The following SCG3 variants were observed in gnomAD, a reference collection of about 807,000 sequenced individuals.
SCG3 encodes the protein secretogranin III.
Under a neutral mutation model 56.2 loss-of-function variants are expected in SCG3, and 38 were observed. The observed-to-expected ratio is 0.68, with a 90% CI of 0.52 to 0.89. The LOEUF (loss-of-function observed/expected upper bound fraction) is 0.89, where lower values mean the gene tolerates loss of function less well. SCG3 is among the 40% of genes least tolerant of loss of function. The probability of loss-of-function intolerance (pLI) is 0.00; values close to 1 mark genes in which losing one functional copy is unlikely to be tolerated. For synonymous variants in SCG3, 176 were observed against 184.2 expected, an observed-to-expected ratio of 0.96 and a Z score of 0.36; for missense variants, 524 against 540.7, an observed-to-expected ratio of 0.97 and a Z score of 0.31.
At chr15:51,712,558 T>C (rs763574916) in intron 10 of SCG3, among the ~76,000 whole-genome samples, 10 of 152,172 alleles carry the variant, frequency 6.6e-5, no homozygotes, top group Non-Finnish European at 1.2e-4. Context: ...CAGCTGTTAT[T>C]TCCTGTGTAG....
chr15:51,713,907 G>C (rs2055437122), intron 11 of SCG3, among the ~76,000 whole-genome samples: 1 of 152,206 alleles, frequency 6.6e-6, no homozygotes, highest in Non-Finnish European at 1.5e-5. Context: ...AGCGTCATTA[G>C]AGCTATGGTT....
intron 10 of SCG3, among the ~76,000 whole-genome samples, chr15:51,711,345 C>G (rs934714744): frequency 6.6e-6 from 1 of 152,192 alleles, no homozygotes. Flanking sequence ...CAAAAAAGCT[C>G]TAACATCATG....
intron 8 of SCG3, among the ~76,000 whole-genome samples, chr15:51,698,366 A>G (rs74015707): frequency 0.018 from 2,750 of 152,286 alleles, 50 homozygotes; most frequent in East Asian, 0.025. Context: ...ACTCCTGTCT[A>G]GTAACACTTA....
chr15:51,695,812 AAATTG>A, intron 7 of SCG3, 58 bp from the exon 8 acceptor site: 1 of 903,422 alleles, frequency 1.1e-6, no homozygotes, highest in South Asian at 1.5e-5. Context: ...TGTACTTTAT[AAATTG>A]ACATTGAAAG....
intron 11 of SCG3, among the ~76,000 whole-genome samples, chr15:51,714,427 A>G (rs1437444468): frequency 6.6e-6 from 1 of 152,190 alleles, no homozygotes; most frequent in Non-Finnish European, 1.5e-5. Flanking sequence ...AGGGGACAAC[A>G]GAGGAGATAA....
intron 11 of SCG3, among the ~76,000 whole-genome samples, chr15:51,718,065 T>C (rs2055469666): frequency 6.6e-6 from 1 of 152,178 alleles, no homozygotes; most frequent in East Asian, 1.9e-4. Flanking sequence ...TCCTGAGGCC[T>C]TCTTCTGAGG....
intron 10 of SCG3, among the ~76,000 whole-genome samples, chr15:51,706,592 C>A (rs549412640): frequency 6.6e-6 from 1 of 152,058 alleles, no homozygotes; most frequent in Admixed American, 6.5e-5. Context: ...TTTGGCCTTG[C>A]GGTGTGTGAG....
At chr15:51,708,992 A>G (rs1177811318) in intron 10 of SCG3, among the ~76,000 whole-genome samples, 2 of 152,246 alleles carry the variant, frequency 1.3e-5, no homozygotes, top group African/African-American at 4.8e-5. Context: ...GTTCAAAACC[A>G]GGCTCTGACC....
At chr15:51,704,752 T>C (rs1243431763) in intron 10 of SCG3, among the ~76,000 whole-genome samples, 1 of 127,694 alleles carries the variant, frequency 7.8e-6, no homozygotes, top group Non-Finnish European at 1.6e-5. Context: ...CTTTTGGCTG[T>C]TGTGAGTAAT....
At chr15:51,686,926 CAT>C (rs983238240) in intron 4 of SCG3, among the ~76,000 whole-genome samples, 1 of 152,102 alleles carries the variant, frequency 6.6e-6, no homozygotes, top group Admixed American at 6.6e-5. Flanking sequence ...CCTCTATTTT[CAT>C]AGAGTCTGAA....
In SCG3 at chr15:51,699,409, T is replaced by C. The variant is rs892523682; in HGVS notation, c.1069+7T>C. On this transcript the variant is annotated splice_region_variant and intron_variant, in intron 9 of 11. Transcript: ENST00000220478. The stretch of plus-strand genomic sequence containing the variant: ...ATAAGCAAGCTTTTCCCAGGTATGA[T>C]TATTTAACTATTTTTTTAGCCTTTA... The C allele has an allele frequency of 6.4e-7, 1 of 1,556,960 alleles. No individual in the cohort carries two copies.
intron 10 of SCG3, among the ~76,000 whole-genome samples, chr15:51,711,027 G>T (rs938870938): frequency 1.3e-5 from 2 of 152,140 alleles, no homozygotes; most frequent in African/African-American, 4.8e-5. Context: ...ACATGAGCAG[G>T]AAGAGAAAAA....
intron 10 of SCG3, among the ~76,000 whole-genome samples, chr15:51,704,592 C>T (rs893164237): frequency 1.3e-4 from 19 of 150,670 alleles, no homozygotes; most frequent in Non-Finnish European, 2.5e-4. Context: ...GACCAGCTTA[C>T]GTAACTTAGC....
chr15:51,683,877 G>A (rs1239427997), intron 4 of SCG3, among the ~76,000 whole-genome samples: 1 of 152,018 alleles, frequency 6.6e-6, no homozygotes, highest in Non-Finnish European at 1.5e-5. Flanking sequence ...TAACCTTTAC[G>A]TGGCTTCAAT....
chr15:51,685,538 A>G (rs1005565706), intron 4 of SCG3, among the ~76,000 whole-genome samples: 9 of 152,344 alleles, frequency 5.9e-5, no homozygotes, highest in African/African-American at 2.2e-4. Flanking sequence ...CACAGAGAAG[A>G]CAGGCCAAGG....
At chr15:51,705,184 T>C (rs896538434) in intron 10 of SCG3, among the ~76,000 whole-genome samples, 9 of 152,172 alleles carry the variant, frequency 5.9e-5, no homozygotes, top group Non-Finnish European at 1.2e-4. Flanking sequence ...GTGACCCATG[T>C]ATAGCAATCG....
In SCG3 at chr15:51,687,513, G is replaced by A. The variant is rs574626891; in HGVS notation, c.398-747G>A. Among the ~76,000 whole-genome samples, 5 of 152,244 alleles carry A rather than the reference G, an allele frequency of 3.3e-5. No individual in the cohort carries two copies. In the East Asian group the frequency reaches 9.6e-4, roughly 29 times the overall value. ...TTAGTCTGAAGTTGTATTGCCAAAT[G>A]TATTCCTAGGAGAGCCAAGGGAGCA... On this transcript the variant is annotated intron_variant, in intron 4 of 11. Transcript: ENST00000220478.
At chr15:51,705,915 GATGTA>G (rs2055371920) in intron 10 of SCG3, among the ~76,000 whole-genome samples, 1 of 152,128 alleles carries the variant, frequency 6.6e-6, no homozygotes, top group Non-Finnish European at 1.5e-5. Context: ...ATTGTTCAGA[GATGTA>G]ATTTATTAAT....
chr15:51,694,795 C>T (rs551756670), intron 7 of SCG3, among the ~76,000 whole-genome samples: 422 of 152,268 alleles, frequency 2.8e-3, no homozygotes, highest in Non-Finnish European at 4.5e-3. Flanking sequence ...CTTTGGGAGG[C>T]CAAGGAGGGC....
Sources: gnomAD v4.1 joint callset for allele counts (sites outside exome capture counted in the v4.1 genomes callset) on GRCh38, gnomAD v4.1.1 for gene constraint, MANE v1.5 for transcripts, NCBI Gene and HGNC (gene_info 2026-07-23, HGNC 2026-07-21) for gene names.